Variants in PVT1 observed in about 807,000 individuals in gnomAD.
PVT1 encodes the protein Pvt1 oncogene.
At position 128,072,767 on chromosome 8, in the gene PVT1, G is replaced by T. The variant is rs2020247; in HGVS notation, n.1114+2406G>T. ...AAAAATAAATCAGGTAGCTTTCTGT[G>T]GCACGAGACATTCCCTTACCACATT... On this transcript the variant is annotated intron_variant and non_coding_transcript_variant, in intron 5 of 10. Transcript: ENST00000651587. 7.9e-5 allele frequency among the ~76,000 whole-genome samples: 12 copies of T among 152,054 alleles called. No homozygotes were observed. In the South Asian group the frequency reaches 1.2e-3, roughly 16 times the overall value.
intron 4 of PVT1, among the ~76,000 whole-genome samples, chr8:128,012,566 G>A (rs1039900678): frequency 6.6e-6 from 1 of 152,186 alleles, no homozygotes; most frequent in Non-Finnish European, 1.5e-5. Context: ...GTGAGCCAAC[G>A]TTGGCCCTGT....
chr8:127,855,056 G>C (rs942268997), intron 2 of PVT1: 4 of 397,348 alleles, frequency 1.0e-5, no homozygotes, highest in Non-Finnish European at 4.4e-6. Flanking sequence ...AGACCTGTCT[G>C]ACTCAGTTTA....
chr8:128,098,067 A>C (rs953295876), intron 6 of PVT1, among the ~76,000 whole-genome samples: 38 of 151,958 alleles, frequency 2.5e-4, no homozygotes, highest in African/African-American at 8.7e-4. Flanking sequence ...CCCTCTCTGG[A>C]CCTCGGGGCC....
intron 4 of PVT1, among the ~76,000 whole-genome samples, chr8:128,038,517 A>C (rs916381775): frequency 6.6e-6 from 1 of 152,174 alleles, no homozygotes; most frequent in Admixed American, 6.5e-5. Flanking sequence ...GCGGCACGTG[A>C]ATGGGCTTGA....
chr8:127,921,367 G>A (rs200399231), intron 3 of PVT1, among the ~76,000 whole-genome samples: 13 of 152,094 alleles, frequency 8.5e-5, no homozygotes, highest in Admixed American at 3.3e-4. Context: ...AGAGGTCTTC[G>A]AAAGGTGTTT....
At chr8:127,902,425 CTTT>C (rs777284762) in intron 3 of PVT1, among the ~76,000 whole-genome samples, 1 of 130,910 alleles carries the variant, frequency 7.6e-6, no homozygotes. Context: ...GTTCTATTTT[CTTT>C]TTTTTTTTTT....
intron 3 of PVT1, among the ~76,000 whole-genome samples, chr8:127,924,480 C>T (rs1268486826): frequency 6.7e-6 from 1 of 149,504 alleles, no homozygotes; most frequent in Non-Finnish European, 1.5e-5. Context: ...ACTACAGGCA[C>T]ACACCACCAT....
At chr8:127,815,119 C>T (rs905323013) in intron 2 of PVT1, among the ~76,000 whole-genome samples, 3 of 152,150 alleles carry the variant, frequency 2.0e-5, no homozygotes, top group Non-Finnish European at 4.4e-5. Context: ...TCGTGCACCA[C>T]CACGCGTGGC....
intron 6 of PVT1, among the ~76,000 whole-genome samples, chr8:128,098,943 G>A (rs1814465508): frequency 6.6e-6 from 1 of 152,194 alleles, no homozygotes; most frequent in Admixed American, 6.5e-5. Context: ...ACATTTGTGA[G>A]TGAGTTACTG....
intron 3 of PVT1, among the ~76,000 whole-genome samples, chr8:127,891,692 G>GA (rs1815604512): frequency 6.6e-6 from 1 of 152,212 alleles, no homozygotes; most frequent in Non-Finnish European, 1.5e-5. Context: ...TTTGGGGATG[G>GA]TGGACATTTC....
At chr8:127,891,275 A>G (rs1815599175) in intron 3 of PVT1, among the ~76,000 whole-genome samples, 1 of 152,222 alleles carries the variant, frequency 6.6e-6, no homozygotes, top group Non-Finnish European at 1.5e-5. Context: ...TGTGTCCTTA[A>G]GACATTGTGT....
At chr8:127,944,371 G>A (rs573541954) in intron 3 of PVT1, among the ~76,000 whole-genome samples, 18 of 152,282 alleles carry the variant, frequency 1.2e-4, no homozygotes, top group African/African-American at 3.4e-4. Flanking sequence ...GAAGCCCCAG[G>A]TTCAATTTCT....
chr8:127,892,991 A>T (rs1304315477), intron 3 of PVT1, among the ~76,000 whole-genome samples: 1 of 151,968 alleles, frequency 6.6e-6, no homozygotes, highest in African/African-American at 2.4e-5. Flanking sequence ...CCCTTTTATC[A>T]GTTACTGCCT....
chr8:128,008,851 A>T lies in PVT1; in HGVS notation n.912+19560A>T, dbSNP rs200251967. On this transcript the variant is annotated intron_variant and non_coding_transcript_variant, in intron 4 of 10. Coordinates refer to ENST00000651587, the Ensembl canonical transcript of PVT1. ...GGGCCTGAAAAACACAGCCAGGTCC[A>T]TCTAGGAACTAGAAGCTATGGTCAG... The T allele has an allele frequency of 2.2e-3, 1,037 of 477,364 alleles. 6 individuals are homozygous for T. The highest frequency in any genetic ancestry group is 4.1e-3 in the Non-Finnish European group (897 of 217,528). 29.6% of individuals were successfully genotyped at this position (477,364 alleles called of 1,614,324 possible).
intron 2 of PVT1, among the ~76,000 whole-genome samples, chr8:127,859,004 T>TA (rs1815192193): frequency 6.7e-6 from 1 of 150,280 alleles, no homozygotes; most frequent in Non-Finnish European, 1.5e-5. Context: ...GACAGGGTCT[T>TA]GCTATGTTGC....
chr8:128,032,092 G>A (rs1376187952), intron 4 of PVT1, among the ~76,000 whole-genome samples: 1 of 152,222 alleles, frequency 6.6e-6, no homozygotes, highest in Non-Finnish European at 1.5e-5. Context: ...TGTTGATCCT[G>A]AGAACAAGCC....
At chr8:127,936,855 T>C (rs1816282480) in intron 3 of PVT1, among the ~76,000 whole-genome samples, 1 of 152,236 alleles carries the variant, frequency 6.6e-6, no homozygotes, top group African/African-American at 2.4e-5. Flanking sequence ...GAGCCACCTG[T>C]GCCACAGAAT....
chr8:128,045,695 C>T (rs1008439245), intron 4 of PVT1, among the ~76,000 whole-genome samples: 3 of 152,216 alleles, frequency 2.0e-5, no homozygotes, highest in African/African-American at 4.8e-5. Context: ...CTCCTTGTGA[C>T]AACCGAGCTG....
At chr8:127,876,694 T>C (rs1180999554) in intron 2 of PVT1, among the ~76,000 whole-genome samples, 1 of 152,164 alleles carries the variant, frequency 6.6e-6, no homozygotes, top group Admixed American at 6.6e-5. Context: ...GAGGGAACCA[T>C]GTCAGCTCCT....
Sources: gnomAD v4.1 joint callset for allele counts (sites outside exome capture counted in the v4.1 genomes callset) on GRCh38, gnomAD v4.1.1 for gene constraint, MANE v1.5 for transcripts, NCBI Gene and HGNC (gene_info 2026-07-23, HGNC 2026-07-21) for gene names.